The following HGF variants were observed in gnomAD, a reference collection of about 807,000 sequenced individuals.
HGF encodes fibroblast-derived tumor cytotoxic factor.
Under a neutral mutation model 111.6 loss-of-function variants are expected in HGF, and 39 were observed. The observed-to-expected ratio is 0.35, with a 90% CI of 0.27 to 0.46. HGF has a LOEUF of 0.46. Ranked by LOEUF, HGF falls within the 20% of genes least tolerant of loss-of-function variation. The pLI is 1.00. For missense variants in HGF, 735 were observed against 910.5 expected (o/e 0.81, Z 2.48); for synonymous variants, 285 against 294.8 (o/e 0.97, Z 0.34).
At chr7:81,764,699 T>G (rs1210006161) in intron 1 of HGF, among the ~76,000 whole-genome samples, 1 of 152,022 alleles carries the variant, frequency 6.6e-6, no homozygotes, top group East Asian at 1.9e-4. Flanking sequence ...AAAGTTTTAG[T>G]TTTGTTTTTG....
intron 9 of HGF, among the ~76,000 whole-genome samples, chr7:81,723,531 A>C (rs1583941550): frequency 6.6e-6 from 1 of 151,532 alleles, no homozygotes; most frequent in East Asian, 1.9e-4. Flanking sequence ...ATTGATATAA[A>C]TATTTAAATT....
intron 6 of HGF, among the ~76,000 whole-genome samples, chr7:81,744,363 G>A (rs551364029): frequency 2.6e-5 from 4 of 151,184 alleles, no homozygotes; most frequent in Non-Finnish European, 5.9e-5. Flanking sequence ...TATTCCTGGG[G>A]ATAAAAGATA....
chr7:81,752,421 G>A lies in HGF; in HGVS notation c.483-159C>T, dbSNP rs552259203. Among the ~76,000 whole-genome samples the A allele has an allele frequency of 2.1e-4, 32 of 151,834 alleles. 1 individual carries two copies. The South Asian group carries it at 6.6e-3, about 32-fold the overall frequency. On this transcript the variant is annotated intron_variant, in intron 4 of 17. Transcript: ENST00000222390. Reference sequence around the variant, plus strand: ...CCTTAAAATTCTGTCATTTTCATCTGTCCTTAAAACGTTTGAATTTTATTA... The same window carrying A: ...CCTTAAAATTCTGTCATTTTCATCTATCCTTAAAACGTTTGAATTTTATTA...
At chr7:81,717,505 T>A in intron 10 of HGF, 140 bp from the exon 11 acceptor site, 1 of 897,460 alleles carries the variant, frequency 1.1e-6, no homozygotes, top group Non-Finnish European at 1.8e-6. Context: ...GAATTTTAGC[T>A]ATTTTGTTTG....
At chr7:81,745,497 T>C (rs1260810769) in intron 5 of HGF, among the ~76,000 whole-genome samples, 1 of 152,340 alleles carries the variant, frequency 6.6e-6, no homozygotes, top group Non-Finnish European at 1.5e-5. Context: ...GTCAGCACAA[T>C]AGTGTTTCTC....
intron 2 of HGF, 73 bp from the exon 3 acceptor site, chr7:81,758,877 C>CT: frequency 1.1e-6 from 1 of 929,194 alleles, no homozygotes; most frequent in Non-Finnish European, 1.8e-6. Flanking sequence ...GCATATGGTT[C>CT]ATCTTGTCCA....
chr7:81,741,736 C>T (rs1788011848), intron 7 of HGF, among the ~76,000 whole-genome samples: 1 of 151,570 alleles, frequency 6.6e-6, no homozygotes. Flanking sequence ...GTCGGGAGTT[C>T]GAGACCAGCC....
At chr7:81,704,832 A>G (rs942077096) in intron 17 of HGF, among the ~76,000 whole-genome samples, 6 of 151,968 alleles carry the variant, frequency 3.9e-5, no homozygotes, top group Middle Eastern at 3.4e-3. Context: ...AACATTGCCA[A>G]GCCGAAATAA....
chr7:81,759,726 G>C (rs1788966819), intron 2 of HGF, among the ~76,000 whole-genome samples: 1 of 151,868 alleles, frequency 6.6e-6, no homozygotes, highest in African/African-American at 2.4e-5. Flanking sequence ...GTATGGTCTT[G>C]ATCTCCTGAC....
intron 7 of HGF, among the ~76,000 whole-genome samples, chr7:81,738,962 T>C (rs565207016): frequency 1.3e-5 from 2 of 152,266 alleles, no homozygotes; most frequent in African/African-American, 4.8e-5. Flanking sequence ...CCAAGGCTTT[T>C]GCTATCCCTG....
intron 5 of HGF, among the ~76,000 whole-genome samples, chr7:81,746,787 T>C (rs1390847688): frequency 1.3e-5 from 2 of 152,102 alleles, no homozygotes; most frequent in Admixed American, 6.5e-5. Context: ...TTACACATTT[T>C]AATGGTTTTA....
At chr7:81,732,554 T>C (rs1787702529) in intron 7 of HGF, among the ~76,000 whole-genome samples, 1 of 152,152 alleles carries the variant, frequency 6.6e-6, no homozygotes, top group Non-Finnish European at 1.5e-5. Flanking sequence ...AGTTACACTC[T>C]TACAGAAATG....
chr7:81,767,658 A>G (rs887011754), intron 1 of HGF, among the ~76,000 whole-genome samples: 2 of 152,162 alleles, frequency 1.3e-5, no homozygotes, highest in African/African-American at 4.8e-5. Flanking sequence ...GCGGGGGCCC[A>G]TTATATTGAA....
chr7:81,746,276 C>G (rs1788250306), intron 5 of HGF, among the ~76,000 whole-genome samples: 2 of 152,110 alleles, frequency 1.3e-5, no homozygotes, highest in Admixed American at 6.5e-5. Flanking sequence ...AGCTAAGAGG[C>G]CAACTCGGCT....
chr7:81,708,130 A>G (rs12111722), intron 13 of HGF, among the ~76,000 whole-genome samples: 10,859 of 152,158 alleles, frequency 0.071, 1,300 homozygotes, highest in African/African-American at 0.25. Context: ...TCAGTGCTTC[A>G]GAGGGTAATA....
At chr7:81,724,822 G>T (rs1789963224) in intron 9 of HGF, among the ~76,000 whole-genome samples, 1 of 152,126 alleles carries the variant, frequency 6.6e-6, no homozygotes, top group African/African-American at 2.4e-5. Context: ...CCAACAGGGG[G>T]ATATAAGCAT....
At chr7:81,714,269 G>A (rs1469918313) in intron 11 of HGF, among the ~76,000 whole-genome samples, 1 of 151,900 alleles carries the variant, frequency 6.6e-6, no homozygotes, top group Admixed American at 6.6e-5. Flanking sequence ...TTAAAATTAA[G>A]AAGAAGTGTT....
chr7:81,708,198 T>A (rs1278524925), intron 13 of HGF, among the ~76,000 whole-genome samples: 1 of 152,134 alleles, frequency 6.6e-6, no homozygotes, highest in Non-Finnish European at 1.5e-5. Context: ...CACAGGAGGA[T>A]AAGAATATAT....
chr7:81,714,118 G>T, intron 11 of HGF, among the ~76,000 whole-genome samples: 1 of 151,320 alleles, frequency 6.6e-6, no homozygotes, highest in East Asian at 1.9e-4. Context: ...AATTTCAAAA[G>T]TTTACGAACA....
Sources: allele counts gnomAD v4.1 joint callset (sites outside exome capture counted in the v4.1 genomes callset), GRCh38; gene constraint gnomAD v4.1.1; transcripts MANE v1.5; gene names NCBI Gene and HGNC (gene_info 2026-07-23, HGNC 2026-07-21).